Variants in SCUBE1 observed in about 807,000 individuals in gnomAD.
SCUBE1 encodes the protein signal peptide, CUB and EGF-like domain-containing protein 1.
Under a neutral mutation model 124.4 loss-of-function variants are expected in SCUBE1, and 59 were observed. That is an observed-to-expected ratio of 0.47 (90% CI 0.38 to 0.59). The LOEUF (loss-of-function observed/expected upper bound fraction) is 0.59. Ranked by LOEUF, SCUBE1 falls within the 20% of genes least tolerant of loss-of-function variation. The probability of loss-of-function intolerance (pLI) is 0.00; values close to 1 mark genes in which losing one functional copy is unlikely to be tolerated. For synonymous variants in SCUBE1, 545 were observed against 550.9 expected (o/e 0.99, Z 0.15); for missense variants, 1,150 against 1,371.2 (o/e 0.84, Z 2.55).
At chr22:43,238,758 G>A (rs746665138) in intron 7 of SCUBE1, 80 bp downstream of exon 7, 3 of 1,180,382 alleles carry the variant, frequency 2.5e-6, no homozygotes, top group Non-Finnish European at 3.8e-6. Context: ...GCCCAGCCCT[G>A]GGCCCGGCTA....
At chr22:43,230,096 G>C (rs1013790106) in intron 8 of SCUBE1, among the ~76,000 whole-genome samples, 2 of 152,214 alleles carry the variant, frequency 1.3e-5, no homozygotes, top group Non-Finnish European at 2.9e-5. Flanking sequence ...TCCCAGGGAG[G>C]ATCTGGGACC....
chr22:43,206,320 CCACA>C (rs904726016), intron 21 of SCUBE1, among the ~76,000 whole-genome samples: 4 of 151,592 alleles, frequency 2.6e-5, no homozygotes, highest in South Asian at 2.1e-4. Flanking sequence ...ACCACAGTCA[CCACA>C]CACACTGAAC....
At chr22:43,235,456 G>A (rs1222523036) in intron 7 of SCUBE1, among the ~76,000 whole-genome samples, 1 of 152,094 alleles carries the variant, frequency 6.6e-6, no homozygotes, top group East Asian at 1.9e-4. Context: ...GCTAGGCGGG[G>A]CTGGCCAGGT....
Position 43,210,256 on chromosome 22 carries a change from C to A in SCUBE1, c.2384-16G>T. On this transcript the variant is annotated splice_polypyrimidine_tract_variant and intron_variant, in intron 18 of 21. Transcript: ENST00000360835. This position sits in a 1 kb window ranked among gnomAD's most constrained non-coding sequence, Gnocchi z 4.5. ...CAGTGCTGGTCTGTGGGCACAGTGG[C>A]CCGAGGGCCTCATCAGGCTCTGCTG... 6.7e-7 allele frequency: 1 copy of A among 1,502,320 alleles called. No individual in the cohort carries two copies. Among genetic ancestry groups the A allele is most frequent in the Non-Finnish European group, 8.9e-7 (1 of 1,128,548 alleles). The allele number at this position is 1,502,320 out of a possible 1,614,324, so 93.1% of individuals were successfully genotyped here. A position where few individuals can be genotyped will look rare whatever the true frequency, so the allele number is the denominator to read the frequency against.
At chr22:43,305,291 T>C (rs1396347692) in intron 3 of SCUBE1, among the ~76,000 whole-genome samples, 1 of 152,218 alleles carries the variant, frequency 6.6e-6, no homozygotes, top group Admixed American at 6.5e-5. Context: ...TTTTGTCTTT[T>C]CTCTGGATTT....
rs1202124860 is a variant in SCUBE1, at chr22:43,210,338, G to C, written c.2384-98C>G. 1.9e-6 allele frequency: 2 copies of C among 1,075,350 alleles called. No homozygotes were observed. Among genetic ancestry groups the C allele is most frequent in the East Asian group, 5.7e-5 (2 of 35,032 alleles). The allele number at this position is 1,075,350 out of a possible 1,614,324, so 66.6% of individuals were successfully genotyped here. On this transcript the variant is annotated intron_variant, in intron 18 of 21. Transcript: ENST00000360835. The surrounding 1 kb of genome is among the most constrained non-coding windows in gnomAD (Gnocchi z 4.5). ...CACCTGGGAGGCCTAGGGCAGGGCT[G>C]GAAGGTGCTCTTGTCCCCCCCCACA... is the stretch of plus-strand genomic sequence containing the variant.
In SCUBE1 at chr22:43,291,119, G is replaced by A; in HGVS notation, c.411C>T (p.Gly137=). ...CACTGTGGCACTGACACTCGTAGCT[G>A]CCCATGGCATTGACGCAGATCTGCT... ...GCQQICVNAM[G]SYECQCHSGF... Residue 137 remains glycine (G), a synonymous_variant, in exon 4 of 22, where the codon GGC becomes GGT. Transcript: ENST00000360835. 3 of 1,613,930 alleles carry A rather than the reference G, an allele frequency of 1.9e-6. No homozygotes were observed. The South Asian group carries it at 3.3e-5, about 18-fold the overall frequency.
chr22:43,307,061 C>A (rs958269354), intron 3 of SCUBE1, among the ~76,000 whole-genome samples: 1 of 152,264 alleles, frequency 6.6e-6, no homozygotes, highest in East Asian at 1.9e-4. Context: ...CTCCACCACA[C>A]AAACGAGCCT....
At chr22:43,291,993 C>G (rs1925379423) in intron 3 of SCUBE1, among the ~76,000 whole-genome samples, 1 of 152,114 alleles carries the variant, frequency 6.6e-6, no homozygotes, top group Non-Finnish European at 1.5e-5. Context: ...TCGCCAGACC[C>G]CCCACTCTAG....
chr22:43,290,916 G>T, intron 4 of SCUBE1, 130 bp downstream of exon 4: 1 of 1,008,860 alleles, frequency 9.9e-7, no homozygotes, highest in Non-Finnish European at 1.4e-6. Flanking sequence ...GTGCAAAACA[G>T]TCATTCAGAC....
intron 4 of SCUBE1, among the ~76,000 whole-genome samples, chr22:43,288,939 C>A (rs1244693108): frequency 6.6e-6 from 1 of 152,162 alleles, no homozygotes; most frequent in Non-Finnish European, 1.5e-5. Flanking sequence ...GTAGGGGACG[C>A]TAAGGTTTGT....
chr22:43,338,924 C>T (rs1363963412), intron 2 of SCUBE1, among the ~76,000 whole-genome samples, 180 bp downstream of exon 2: 4 of 152,216 alleles, frequency 2.6e-5, no homozygotes, highest in Non-Finnish European at 4.4e-5. Flanking sequence ...GGGAAGCAGC[C>T]GGCATTTCCG....
intron 4 of SCUBE1, chr22:43,283,634 C>G (rs1261769430): frequency 6.6e-6 from 1 of 152,152 alleles, no homozygotes; most frequent in African/African-American, 2.4e-5. Context: ...TGATGTGGAT[C>G]CGTATGTCAT....
At chr22:43,315,151 C>A (rs766207962) in intron 3 of SCUBE1, among the ~76,000 whole-genome samples, 2 of 151,986 alleles carry the variant, frequency 1.3e-5, no homozygotes, top group Non-Finnish European at 2.9e-5. Flanking sequence ...CAGCTTGAAG[C>A]CTTTGCTGGA....
chr22:43,323,648 C>T (rs1366012992), intron 2 of SCUBE1, among the ~76,000 whole-genome samples: 1 of 151,720 alleles, frequency 6.6e-6, no homozygotes, highest in African/African-American at 2.4e-5. Flanking sequence ...GAGAAATCCT[C>T]TCATCTGTAT....
intron 6 of SCUBE1, among the ~76,000 whole-genome samples, chr22:43,245,364 G>A (rs372667757): frequency 2.0e-5 from 3 of 152,360 alleles, no homozygotes; most frequent in East Asian, 1.9e-4. Context: ...GGTCAATCCT[G>A]AGACCTGTCT....
chr22:43,204,183 C>T (rs1921123911), intron 21 of SCUBE1, 34 bp from the exon 22 acceptor site: 1 of 1,608,714 alleles, frequency 6.2e-7, no homozygotes, highest in South Asian at 1.1e-5. Flanking sequence ...GCAGGGGAGG[C>T]TTGGGGCCTG....
chr22:43,280,421 TGTCCCTTCCCCTCACCCATCCC>T (rs1924731077), intron 4 of SCUBE1, among the ~76,000 whole-genome samples: 2 of 51,266 alleles, frequency 3.9e-5, no homozygotes, highest in East Asian at 8.5e-4. Flanking sequence ...CCCATCCTCC[TGTCCCTTCCCCTCACCCATCCC>T]CCTGTCCCTT....
chr22:43,274,600 T>C (rs1924424227), intron 4 of SCUBE1, among the ~76,000 whole-genome samples: 1 of 152,054 alleles, frequency 6.6e-6, no homozygotes, highest in Non-Finnish European at 1.5e-5. Flanking sequence ...GGGGCCAAGG[T>C]GGTAGCATCC....
Sources: allele counts gnomAD v4.1 joint callset (sites outside exome capture counted in the v4.1 genomes callset), GRCh38; gene constraint gnomAD v4.1.1; non-coding constraint Gnocchi (gnomAD v3.1); transcripts MANE v1.5; gene names NCBI Gene and HGNC (gene_info 2026-07-23, HGNC 2026-07-21).